DCDC2: variants seen among roughly 807,000 people sequenced by gnomAD.
DCDC2 encodes doublecortin domain-containing protein 2.
Under a neutral mutation model 50.2 loss-of-function variants are expected in DCDC2, and 40 were observed. The ratio of observed to expected loss-of-function variants is 0.80; its 90% confidence interval spans 0.62 to 1.04. DCDC2 has a LOEUF of 1.04. Among genes scored for constraint, DCDC2 ranks in the 50% least tolerant of loss-of-function variants. The probability of loss-of-function intolerance (pLI) is 0.00; values close to 1 mark genes in which losing one functional copy is unlikely to be tolerated. For synonymous variants in DCDC2, 234 were observed against 210.6 expected, an observed-to-expected ratio of 1.11 and a Z score of -0.96; for missense variants, 570 against 581.9, an observed-to-expected ratio of 0.98 and a Z score of 0.21.
chr6:24,307,435 G>C (rs1001662566), intron 2 of DCDC2, among the ~76,000 whole-genome samples: 19 of 152,148 alleles, frequency 1.2e-4, no homozygotes, highest in Non-Finnish European at 8.8e-5. Context: ...AAAATATGTA[G>C]TGAAATTTCT....
At chr6:24,221,192 T>TTGTTA (rs1007047151) in intron 7 of DCDC2, among the ~76,000 whole-genome samples, 4 of 152,206 alleles carry the variant, frequency 2.6e-5, no homozygotes, top group Non-Finnish European at 2.9e-5. Context: ...TTTTAGCTCC[T>TTGTTA]TGTTATGTTC....
At chr6:24,195,235 C>T (rs1230225306) in intron 8 of DCDC2, among the ~76,000 whole-genome samples, 1 of 152,150 alleles carries the variant, frequency 6.6e-6, no homozygotes. Context: ...ATTGCTCACG[C>T]AATAGCAGTA....
At chr6:24,190,493 C>T (rs536114280) in intron 8 of DCDC2, among the ~76,000 whole-genome samples, 6 of 152,026 alleles carry the variant, frequency 3.9e-5, no homozygotes, top group Admixed American at 3.3e-4. Flanking sequence ...CAAACCTGCA[C>T]GTTGTGCACA....
chr6:24,364,862 C>T, the DCDC2 span, among the ~76,000 whole-genome samples: 1 of 152,122 alleles, frequency 6.6e-6, no homozygotes. Flanking sequence ...CTCTCTTAGC[C>T]AGTATTGAGT....
At chr6:24,331,718 A>C (rs1759968557) in intron 2 of DCDC2, among the ~76,000 whole-genome samples, 1 of 152,116 alleles carries the variant, frequency 6.6e-6, no homozygotes, top group South Asian at 2.1e-4. Context: ...TCTCAGACTA[A>C]ATTGTACATG....
chr6:24,263,488 A>G (rs981419877), intron 7 of DCDC2, among the ~76,000 whole-genome samples: 7 of 152,240 alleles, frequency 4.6e-5, no homozygotes, highest in East Asian at 3.8e-4. Flanking sequence ...GAAATTCAAG[A>G]TAACAGAGGA....
At chr6:24,359,853 G>C (rs779944066), upstream of DCDC2, among the ~76,000 whole-genome samples, 1 of 152,168 alleles carries the variant, frequency 6.6e-6, no homozygotes, top group Non-Finnish European at 1.5e-5. Flanking sequence ...GATCAGCGCC[G>C]CCTGGCGGCG....
chr6:24,341,821 C>G (rs1760159671), intron 2 of DCDC2, among the ~76,000 whole-genome samples: 1 of 152,152 alleles, frequency 6.6e-6, no homozygotes, highest in Non-Finnish European at 1.5e-5. Flanking sequence ...TCTCACCAAA[C>G]TACCCTTCCA....
At chr6:24,324,094 T>C (rs1241930326) in intron 2 of DCDC2, among the ~76,000 whole-genome samples, 2 of 152,202 alleles carry the variant, frequency 1.3e-5, no homozygotes, top group Admixed American at 1.3e-4. Flanking sequence ...GAAAAATATT[T>C]GCATTCCCTA....
intron 7 of DCDC2, among the ~76,000 whole-genome samples, chr6:24,244,881 G>T (rs1762638074): frequency 6.6e-6 from 1 of 152,162 alleles, no homozygotes; most frequent in Non-Finnish European, 1.5e-5. Context: ...ACCCAGAAAT[G>T]CAAACAAAAT....
intron 7 of DCDC2, among the ~76,000 whole-genome samples, chr6:24,245,010 C>T (rs1234246803): frequency 1.3e-5 from 2 of 152,138 alleles, no homozygotes; most frequent in Non-Finnish European, 2.9e-5. Context: ...GCCTGACCAA[C>T]ATGGTGAAAC....
chr6:24,375,028 C>T, the DCDC2 span, among the ~76,000 whole-genome samples: 1 of 152,194 alleles, frequency 6.6e-6, no homozygotes, highest in African/African-American at 2.4e-5. Flanking sequence ...CCAAGTCTCA[C>T]CTTCCTACTC....
At chr6:24,261,373 T>A (rs775594142) in intron 7 of DCDC2, among the ~76,000 whole-genome samples, 19 of 152,250 alleles carry the variant, frequency 1.2e-4, no homozygotes, top group Non-Finnish European at 7.4e-5. Context: ...AGTTCTCATA[T>A]GGTTTGAGGT....
At chr6:24,290,684 A>G (rs1763724587) in intron 5 of DCDC2, among the ~76,000 whole-genome samples, 1 of 148,564 alleles carries the variant, frequency 6.7e-6, no homozygotes, top group Non-Finnish European at 1.5e-5. Context: ...TTACTTATAA[A>G]TTTCATGCAT....
rs542037927 is a variant in DCDC2 at position 24,278,001 on chromosome 6, A to T, written c.922+48T>A. On this transcript the variant is annotated intron_variant, in intron 7 of 9. Transcript: ENST00000378454. ...GCCCAGAGAAACAATGGATCTATTT[A>T]AGAATTAAAATTGTATCACAGCCTT... 1.8e-5 allele frequency: 26 copies of T among 1,452,368 alleles called. No homozygotes were observed. In the East Asian group the frequency reaches 4.3e-4, roughly 24 times the overall value. The allele number at this position is 1,452,368 out of a possible 1,614,324, so 90.0% of individuals were successfully genotyped here.
intron 2 of DCDC2, among the ~76,000 whole-genome samples, chr6:24,336,509 T>C (rs1400388043): frequency 6.6e-6 from 1 of 152,198 alleles, no homozygotes; most frequent in African/African-American, 2.4e-5. Flanking sequence ...TTTTCATATA[T>C]TTATATAATA....
chr6:24,186,540 T>C (rs1305572993), intron 8 of DCDC2, among the ~76,000 whole-genome samples: 3 of 152,212 alleles, frequency 2.0e-5, no homozygotes, highest in African/African-American at 7.2e-5. Context: ...CCTCAGTAGC[T>C]GAAAAACTGG....
At chr6:24,288,731 T>C (rs1763672442) in intron 6 of DCDC2, 121 bp downstream of exon 6, 1 of 793,146 alleles carries the variant, frequency 1.3e-6, no homozygotes, top group Non-Finnish European at 2.1e-6. Flanking sequence ...TTCACATAAT[T>C]GGTTATACAC....
chr6:24,362,436 AT>A (rs1760684046), upstream of DCDC2, among the ~76,000 whole-genome samples: 1 of 87,882 alleles, frequency 1.1e-5, no homozygotes, highest in Admixed American at 1.0e-4. Flanking sequence ...TTAATTGTAT[AT>A]TTATACAATT....
Sources: gnomAD v4.1 joint callset for allele counts (sites outside exome capture counted in the v4.1 genomes callset) on GRCh38, gnomAD v4.1.1 for gene constraint, MANE v1.5 for transcripts, NCBI Gene and HGNC (gene_info 2026-07-23, HGNC 2026-07-21) for gene names.